Variants in INPP4B observed in about 807,000 individuals in gnomAD.
INPP4B encodes inositol polyphosphate-4-phosphatase type II B.
A neutral mutation model predicts 122.5 loss-of-function variants in INPP4B; 55 were observed. That is an observed-to-expected ratio of 0.45 (90% CI 0.36 to 0.56). INPP4B has a LOEUF of 0.56. INPP4B is among the 20% of genes least tolerant of loss of function. The pLI, the probability that INPP4B is intolerant of heterozygous loss-of-function variation, is 0.00. For synonymous variants in INPP4B, 403 were observed against 388.7 expected, an observed-to-expected ratio of 1.04 and a Z score of -0.43; for missense variants, 1,000 against 1,097.7, an observed-to-expected ratio of 0.91 and a Z score of 1.26.
At chr4:142,407,477 C>T (rs1272342764) in intron 5 of INPP4B, among the ~76,000 whole-genome samples, 2 of 152,098 alleles carry the variant, frequency 1.3e-5, no homozygotes, top group African/African-American at 4.8e-5. Flanking sequence ...CACCCTCGTT[C>T]CCCATAAAAA....
chr4:142,345,937 T>C (rs941627160), intron 7 of INPP4B, among the ~76,000 whole-genome samples: 1 of 152,034 alleles, frequency 6.6e-6, no homozygotes, highest in Non-Finnish European at 1.5e-5. Context: ...TTTTCATTAA[T>C]TGTGGCAGTT....
At chr4:142,469,986 G>T (rs1818520925) in intron 2 of INPP4B, among the ~76,000 whole-genome samples, 1 of 151,924 alleles carries the variant, frequency 6.6e-6, no homozygotes, top group African/African-American at 2.4e-5. Flanking sequence ...TGTTCCATTA[G>T]ACAGGGATAT....
intron 3 of INPP4B, among the ~76,000 whole-genome samples, chr4:142,457,003 T>C (rs1290926997): frequency 6.6e-6 from 1 of 152,072 alleles, no homozygotes; most frequent in African/African-American, 2.4e-5. Context: ...CATGCATACA[T>C]AATCAATTAT....
At chr4:142,724,513 A>G (rs1383889371) in intron 2 of INPP4B, among the ~76,000 whole-genome samples, 2 of 152,002 alleles carry the variant, frequency 1.3e-5, no homozygotes, top group Non-Finnish European at 2.9e-5. Context: ...TCTTCCACAT[A>G]TTGTCTAGGA....
At chr4:142,221,159 G>A (rs1849186149) in intron 12 of INPP4B, among the ~76,000 whole-genome samples, 1 of 151,986 alleles carries the variant, frequency 6.6e-6, no homozygotes, top group African/African-American at 2.4e-5. Flanking sequence ...CAGCACTTTG[G>A]GAGGCCGAGG....
chr4:142,643,559 TTTTTG>T (rs1208013698), intron 2 of INPP4B, among the ~76,000 whole-genome samples: 2 of 152,150 alleles, frequency 1.3e-5, no homozygotes, highest in African/African-American at 4.8e-5. Context: ...AGGAGAAAGC[TTTTTG>T]TTTTATGAAT....
At chr4:142,657,570 T>A (rs1166771121) in intron 2 of INPP4B, among the ~76,000 whole-genome samples, 1 of 152,216 alleles carries the variant, frequency 6.6e-6, no homozygotes, top group Non-Finnish European at 1.5e-5. Context: ...TGTTTTTTAG[T>A]AAAAGGTTAT....
At chr4:142,394,497 T>G (rs1798724839) in intron 7 of INPP4B, among the ~76,000 whole-genome samples, 1 of 152,208 alleles carries the variant, frequency 6.6e-6, no homozygotes, top group South Asian at 2.1e-4. Context: ...TTTGTCTTTT[T>G]GACAATAGCC....
chr4:142,105,111 G>A lies in INPP4B; in HGVS notation c.2374+2982C>T, dbSNP rs28523591. 5.1e-3 allele frequency among the ~76,000 whole-genome samples: 773 copies of A among 152,092 alleles called. 5 individuals are homozygous for A. Among genetic ancestry groups the A allele is most frequent in the African/African-American group, 0.018 (736 of 41,514 alleles). ...CCCAGTTCTAGATCCCATGAATTCCGCAAAAGAAAGACAGACACAGAGGCC... is the reference window on the plus strand; with the variant it reads ...CCCAGTTCTAGATCCCATGAATTCCACAAAAGAAAGACAGACACAGAGGCC... On this transcript the variant is annotated intron_variant, in intron 23 of 25. Coordinates refer to ENST00000262992, the MANE Select transcript of INPP4B (RefSeq NM_001101669.3).
Position 142,274,478 on chromosome 4 carries a change from C to A in INPP4B, c.504-3704G>T, listed in dbSNP as rs1747422477. On this transcript the variant is annotated intron_variant, in intron 9 of 25. Transcript: ENST00000262992. ...AAAAATCTCAGGTCAATTCTAGCTT[C>A]TCTTCCTCACTCTACACCTTCCCAT... Among the ~76,000 whole-genome samples the A allele has an allele frequency of 2.0e-5, 3 of 151,450 alleles. No individual in the cohort carries two copies. The South Asian group carries it at 6.3e-4, about 32-fold the overall frequency.
intron 25 of INPP4B, among the ~76,000 whole-genome samples, chr4:142,041,742 T>C (rs1747711198): frequency 6.6e-6 from 1 of 152,192 alleles, no homozygotes; most frequent in Non-Finnish European, 1.5e-5. Context: ...TTCTCTAATA[T>C]TGAAATGCCT....
chr4:142,408,125 C>T (rs1003898154), intron 5 of INPP4B, among the ~76,000 whole-genome samples: 6 of 152,060 alleles, frequency 3.9e-5, no homozygotes, highest in African/African-American at 1.4e-4. Context: ...CTGAATCAGT[C>T]CCACCAGACG....
At chr4:142,167,200 T>C (rs1823202018) in intron 16 of INPP4B, among the ~76,000 whole-genome samples, 1 of 148,934 alleles carries the variant, frequency 6.7e-6, no homozygotes, top group South Asian at 2.1e-4. Context: ...CACCATGGAA[T>C]ACTACACAGT....
In INPP4B at chr4:142,305,551, A is replaced by C. The variant is rs377283142; in HGVS notation, c.424-14T>G. On this transcript the variant is annotated splice_polypyrimidine_tract_variant and intron_variant, in intron 8 of 25. Transcript: ENST00000262992. ...CAAGAAACTTCGCTGAAAATAACAGAAAGAATGGTTTCATTAACTTGAGGT... is the reference window on the plus strand; with the variant it reads ...CAAGAAACTTCGCTGAAAATAACAGCAAGAATGGTTTCATTAACTTGAGGT... The C allele has an allele frequency of 1.9e-6, 3 of 1,606,174 alleles. No individual in the cohort carries two copies. The highest frequency in any genetic ancestry group is 1.7e-6 in the Non-Finnish European group (2 of 1,176,244).
At chr4:142,369,308 G>A (rs1404912010) in intron 7 of INPP4B, among the ~76,000 whole-genome samples, 1 of 152,118 alleles carries the variant, frequency 6.6e-6, no homozygotes, top group Non-Finnish European at 1.5e-5. Flanking sequence ...CCTAGGCCGA[G>A]TGTGGTAACT....
In INPP4B at chr4:142,260,567, A is replaced by G. The variant is rs765119300; in HGVS notation, c.616-3T>C. 3.3e-6 allele frequency: 5 copies of G among 1,536,838 alleles called. No individual in the cohort carries two copies. The South Asian group carries it at 6.2e-5, about 19-fold the overall frequency. ...GTACATTCACATACCAGGGCACACT[A>G]GGAAAAAATGTAAAAAAAAAAAAAA... On this transcript the variant is annotated splice_polypyrimidine_tract_variant and splice_region_variant and intron_variant, in intron 10 of 25. Transcript: ENST00000262992.
chr4:142,473,618 G>T (rs779852776), intron 2 of INPP4B, among the ~76,000 whole-genome samples: 4 of 152,216 alleles, frequency 2.6e-5, no homozygotes, highest in Non-Finnish European at 5.9e-5. Flanking sequence ...TCGCAGTTTG[G>T]TGCCTGAGAG....
chr4:142,192,972 T>C (rs1421003051), intron 15 of INPP4B, 115 bp downstream of exon 15: 1 of 594,338 alleles, frequency 1.7e-6, no homozygotes, highest in Non-Finnish European at 3.0e-6. Context: ...TGTTACTAAA[T>C]AGGTTAAGAT....
chr4:142,830,953 C>A (rs930955596), intron 1 of INPP4B, among the ~76,000 whole-genome samples: 1 of 150,970 alleles, frequency 6.6e-6, no homozygotes, highest in Non-Finnish European at 1.5e-5. Flanking sequence ...GCCCAGGAAG[C>A]AGAGGCTACA....
Sources: gnomAD v4.1 joint callset for allele counts (sites outside exome capture counted in the v4.1 genomes callset) on GRCh38, gnomAD v4.1.1 for gene constraint, MANE v1.5 for transcripts, NCBI Gene and HGNC (gene_info 2026-07-23, HGNC 2026-07-21) for gene names.